BTBD1: variants seen among roughly 807,000 people sequenced by gnomAD.
BTBD1 encodes BTB/POZ domain-containing protein 1.
Under a neutral mutation model 48.0 loss-of-function variants are expected in BTBD1, and 34 were observed. The observed-to-expected ratio is 0.71, with a 90% CI of 0.54 to 0.94. The LOEUF is 0.94. BTBD1 is among the 40% of genes least tolerant of loss of function. The probability of loss-of-function intolerance (pLI) is 0.00; values close to 1 mark genes in which losing one functional copy is unlikely to be tolerated. For missense variants in BTBD1, 543 were observed against 625.6 expected, an observed-to-expected ratio of 0.87 and a Z score of 1.41; for synonymous variants, 261 against 242.1, an observed-to-expected ratio of 1.08 and a Z score of -0.72.
intron 2 of BTBD1, among the ~76,000 whole-genome samples, chr15:83,053,280 G>T (rs1264112912): frequency 6.6e-6 from 1 of 152,096 alleles, no homozygotes; most frequent in African/African-American, 2.4e-5. Context: ...AACATGCTCA[G>T]TTCAAATGAC....
chr15:83,041,922 G>A lies in BTBD1; in HGVS notation c.668C>T (p.Thr223Ile). 1 of 1,613,714 alleles carries A rather than the reference G, an allele frequency of 6.2e-7. No individual in the cohort carries two copies. The highest frequency in any genetic ancestry group is 8.5e-7 in the Non-Finnish European group (1 of 1,179,774). Residue 223 changes from threonine (T) to isoleucine (I), a missense_variant, in exon 4 of 8, where the codon ACA becomes ATA. Around this residue, in one of 3 missense-constraint regions of BTBD1, gnomAD observed 300 missense variants for 350.0 expected, o/e 0.86. Transcript: ENST00000261721. ...AEGFTDIDID[T>I]LCAVLERDTL... is the part of the protein sequence containing the mutation. ...GTCTCTCTCTAAAACTGCACAGAGT[G>A]TATCTATAGGCAAAATACAAAATAA...
chr15:83,031,595 AG>A (rs2151303020), intron 4 of BTBD1, among the ~76,000 whole-genome samples: 1 of 152,294 alleles, frequency 6.6e-6, no homozygotes, highest in East Asian at 1.9e-4. Flanking sequence ...ACTTGGACAC[AG>A]GAAGGGGAAC....
At chr15:83,054,943 G>C (rs540761611) in intron 2 of BTBD1, among the ~76,000 whole-genome samples, 1 of 152,176 alleles carries the variant, frequency 6.6e-6, no homozygotes, top group East Asian at 1.9e-4. Context: ...TAGCCTATGA[G>C]GGTTTGGAAA....
chr15:83,044,713 T>C (rs2032843313), intron 3 of BTBD1: 2 of 1,460,828 alleles, frequency 1.4e-6, no homozygotes, highest in East Asian at 2.3e-5. Context: ...GGGAAATTAG[T>C]GGTGTACTGT....
chr15:83,066,932 C>G lies in BTBD1; in HGVS notation c.220G>C (p.Val74Leu), dbSNP rs750918765. 4 of 1,569,494 alleles carry G rather than the reference C, an allele frequency of 2.5e-6. No individual in the cohort carries two copies. The highest frequency in any genetic ancestry group is 3.4e-6 in the Non-Finnish European group (4 of 1,161,458). The change falls in exon 1 of 8, where the codon GTA becomes CTA. Residue 74 changes from valine to leucine, a missense_variant. Physicochemically the swap from Val to Leu is conservative, Grantham distance 32. Around this residue, in one of 3 missense-constraint regions of BTBD1, gnomAD observed 173 missense variants for 163.9 expected, o/e 1.06. Transcript: ENST00000261721. ...GCGGCGCCGCGACCCTTGCCCAGTACGAAGCGCACATCGCTCAGCAGCTCC... is the reference window on the plus strand; with the variant it reads ...GCGGCGCCGCGACCCTTGCCCAGTAGGAAGCGCACATCGCTCAGCAGCTCC... ...NSELLSDVRFVLGKGRGAAAA... is the reference protein window; with the variant it reads ...NSELLSDVRFLLGKGRGAAAA...
chr15:83,056,043 G>A (rs978559022), intron 2 of BTBD1, among the ~76,000 whole-genome samples: 1 of 151,974 alleles, frequency 6.6e-6, no homozygotes, highest in African/African-American at 2.4e-5. Flanking sequence ...TTGAGTAGCT[G>A]GGATTACAAG....
chr15:83,055,902 T>C (rs2033073300), intron 2 of BTBD1, among the ~76,000 whole-genome samples: 1 of 152,222 alleles, frequency 6.6e-6, no homozygotes, highest in Non-Finnish European at 1.5e-5. Context: ...TATAAGGCTT[T>C]AGCTTCTTCA....
Position 83,050,065 on chromosome 15 carries a change from G to T in BTBD1, c.664+8C>A. 1.9e-6 allele frequency: 3 copies of T among 1,560,460 alleles called. No individual in the cohort carries two copies. The highest frequency in any genetic ancestry group is 4.5e-5 in the East Asian group (2 of 44,464). ...AAAATGTAACAATTTACTTCATAGCGAACTTACCTATATCAATATCAGTAA... is the reference window on the plus strand; with the variant it reads ...AAAATGTAACAATTTACTTCATAGCTAACTTACCTATATCAATATCAGTAA... On this transcript the variant is annotated splice_region_variant and intron_variant, in intron 3 of 7. Transcript: ENST00000261721.
intron 3 of BTBD1, among the ~76,000 whole-genome samples, chr15:83,043,390 G>C (rs562938637): frequency 1.3e-5 from 2 of 152,226 alleles, no homozygotes; most frequent in East Asian, 3.9e-4. Flanking sequence ...GTGGGGAGAG[G>C]GGGCAATCAT....
chr15:83,042,448 A>G (rs898122346), intron 3 of BTBD1, among the ~76,000 whole-genome samples: 55 of 149,198 alleles, frequency 3.7e-4, no homozygotes, highest in African/African-American at 1.3e-3. Context: ...CAGAGGCACA[A>G]TCTCGGCTCA....
chr15:83,049,478 C>T (rs989687542), intron 3 of BTBD1, among the ~76,000 whole-genome samples: 11 of 152,194 alleles, frequency 7.2e-5, no homozygotes, highest in Admixed American at 2.0e-4. Context: ...ATTTTCCTAA[C>T]ACTACTGCAA....
In BTBD1 at chr15:83,042,348, T is replaced by TTTTATATATATATA. The variant is rs773923340; in HGVS notation, c.665-424_665-423insTATATATATATAAA. ...ACGTGCCAGGTACTATTAGGCAATT[T>TTTTATATATATATA]TATATATATATATATATATATATAT... On this transcript the variant is annotated intron_variant, in intron 3 of 7. Transcript: ENST00000261721. Among the ~76,000 whole-genome samples, 4 of 109,894 alleles carry TTTTATATATATATA rather than the reference T, an allele frequency of 3.6e-5. No homozygotes were observed. In the South Asian group the frequency reaches 7.6e-4, roughly 21 times the overall value. The allele number at this position is 109,894 out of a possible 152,430, so 72.1% of individuals were successfully genotyped here.
chr15:83,051,783 G>T (rs550756091), intron 2 of BTBD1, among the ~76,000 whole-genome samples: 1 of 151,130 alleles, frequency 6.6e-6, no homozygotes, highest in Non-Finnish European at 1.5e-5. Context: ...AAGTTGAAAA[G>T]ATAGTGCAAT....
chr15:83,046,569 A>C (rs2032882881), intron 3 of BTBD1, among the ~76,000 whole-genome samples: 1 of 152,206 alleles, frequency 6.6e-6, no homozygotes, highest in South Asian at 2.1e-4. Flanking sequence ...ATAATTTAAG[A>C]GCAATTTATA....
At chr15:83,058,830 A>G (rs1319302300) in intron 1 of BTBD1, among the ~76,000 whole-genome samples, 1 of 152,176 alleles carries the variant, frequency 6.6e-6, no homozygotes, top group Non-Finnish European at 1.5e-5. Context: ...ATGAGAATCT[A>G]TAAATGCGGG....
intron 2 of BTBD1, among the ~76,000 whole-genome samples, chr15:83,053,997 A>G (rs1488370244): frequency 6.6e-6 from 1 of 152,234 alleles, no homozygotes; most frequent in Non-Finnish European, 1.5e-5. Context: ...TAGTGTAATA[A>G]GACGTTAACT....
chr15:83,023,138 A>T (rs1348464289), intron 5 of BTBD1, among the ~76,000 whole-genome samples: 1 of 152,140 alleles, frequency 6.6e-6, no homozygotes. Flanking sequence ...TTAAAAAATC[A>T]TATCAGAATA....
Position 83,018,207 on chromosome 15 carries a change from CAT to C in BTBD1, c.1307_1308del (p.Tyr436TrpfsTer11), listed in dbSNP as rs1262057592. On this transcript the variant is annotated frameshift_variant, in exon 8 of 8. Transcript: ENST00000261721. LOFTEE classifies it high-confidence loss of function. ...ACTACTTTCTTCAATCCTTTTGTGCCATAGTGGGAATCTGGACCCTAAATGAG... is the reference window on the plus strand; with the variant it reads ...ACTACTTTCTTCAATCCTTTTGTGCCAGTGGGAATCTGGACCCTAAATGAG... ...CATLKGPDSH[Y>X]GTKGLKKVVH... 6.3e-7 allele frequency: 1 copy of C among 1,596,834 alleles called. No individual in the cohort carries two copies. The highest frequency in any genetic ancestry group is 1.3e-5 in the African/African-American group (1 of 74,522).
At chr15:83,019,227 T>A (rs1304032220) in intron 6 of BTBD1, among the ~76,000 whole-genome samples, 1 of 151,956 alleles carries the variant, frequency 6.6e-6, no homozygotes, top group African/African-American at 2.4e-5. Flanking sequence ...ACCTGGCTAA[T>A]TTTTTTGTAT....
Sources: allele counts gnomAD v4.1 joint callset (sites outside exome capture counted in the v4.1 genomes callset), GRCh38; gene constraint gnomAD v4.1.1; regional missense constraint gnomAD v4.1.1; transcripts MANE v1.5; gene names NCBI Gene and HGNC (gene_info 2026-07-23, HGNC 2026-07-21).